QTMAN: variants seen among roughly 807,000 people sequenced by gnomAD.
QTMAN encodes queuosine-tRNA mannosyltransferase, also known as tRNA-queuosine alpha-mannosyltransferase.
At chr2:144,187,675 T>C in the QTMAN span, among the ~76,000 whole-genome samples, 1 of 151,994 alleles carries the variant, frequency 6.6e-6, no homozygotes, top group African/African-American at 2.4e-5. Flanking sequence ...CCAGACAGAG[T>C]CCTTTATTTA....
the QTMAN span, among the ~76,000 whole-genome samples, chr2:144,295,631 G>C: frequency 6.6e-6 from 1 of 152,062 alleles, no homozygotes; most frequent in Non-Finnish European, 1.5e-5. Flanking sequence ...TTTGTATTTT[G>C]AGACAGGGTC....
At chr2:144,212,455 T>G in the QTMAN span, among the ~76,000 whole-genome samples, 1 of 151,628 alleles carries the variant, frequency 6.6e-6, no homozygotes, top group African/African-American at 2.4e-5. Context: ...AGAGCAAAAC[T>G]CCATCTCAAA....
the QTMAN span, among the ~76,000 whole-genome samples, chr2:144,169,695 T>C: frequency 2.6e-5 from 4 of 152,150 alleles, no homozygotes; most frequent in Admixed American, 6.6e-5. Flanking sequence ...ATATTGTGTA[T>C]GTACATTTTA....
chr2:143,951,909 T>TG, the QTMAN span: 1 of 758,736 alleles, frequency 1.3e-6, no homozygotes, highest in Non-Finnish European at 2.3e-6. Context: ...GTTAATTAAA[T>TG]GTTTTTTTTT....
chr2:144,027,051 C>T, the QTMAN span, among the ~76,000 whole-genome samples: 1 of 152,316 alleles, frequency 6.6e-6, no homozygotes, highest in South Asian at 2.1e-4. Flanking sequence ...CAGTTTCTTA[C>T]TTGGGCTAGA....
chr2:143,954,243 C>A, the QTMAN span, among the ~76,000 whole-genome samples: 1 of 151,964 alleles, frequency 6.6e-6, no homozygotes, highest in African/African-American at 2.4e-5. Context: ...AGAAAATATG[C>A]ACTTTATCTA....
the QTMAN span, among the ~76,000 whole-genome samples, chr2:144,283,268 T>C: frequency 1.3e-5 from 2 of 152,294 alleles, no homozygotes; most frequent in Non-Finnish European, 2.9e-5. Context: ...ACCTGCAGGA[T>C]CTGTCACTAT....
At chr2:144,215,666 A>G in the QTMAN span, among the ~76,000 whole-genome samples, 1 of 152,232 alleles carries the variant, frequency 6.6e-6, no homozygotes, top group Non-Finnish European at 1.5e-5. Flanking sequence ...CTATAAAAGC[A>G]GCAATGAATT....
the QTMAN span, among the ~76,000 whole-genome samples, chr2:144,289,868 T>A: frequency 0.038 from 5,833 of 152,270 alleles, 353 homozygotes; most frequent in African/African-American, 0.13. Context: ...AAAAAATTGT[T>A]CTGTTAAAAA....
At chr2:144,024,350 T>C in the QTMAN span, among the ~76,000 whole-genome samples, 1 of 152,238 alleles carries the variant, frequency 6.6e-6, no homozygotes, top group Admixed American at 6.5e-5. Flanking sequence ...ATACAGTTGC[T>C]GAATGAATGA....
At chr2:144,266,392 C>T in the QTMAN span, among the ~76,000 whole-genome samples, 2 of 152,218 alleles carry the variant, frequency 1.3e-5, no homozygotes, top group Non-Finnish European at 2.9e-5. Context: ...CCCCATCACA[C>T]TTAATGACTA....
the QTMAN span, among the ~76,000 whole-genome samples, chr2:144,032,778 A>C: frequency 6.6e-6 from 1 of 152,258 alleles, no homozygotes; most frequent in South Asian, 2.1e-4. Context: ...TTAAGCTCAA[A>C]GAAGGCAGAT....
the QTMAN span, among the ~76,000 whole-genome samples, chr2:144,213,951 C>A: frequency 1.3e-5 from 2 of 152,110 alleles, no homozygotes; most frequent in African/African-American, 4.8e-5. Flanking sequence ...CAACCAACAA[C>A]CCAGCAGAGT....
the QTMAN span, among the ~76,000 whole-genome samples, chr2:144,003,300 T>G: frequency 2.0e-5 from 3 of 151,886 alleles, no homozygotes; most frequent in Admixed American, 2.0e-4. Flanking sequence ...TTGTTTTTTT[T>G]GGTCCTTCCA....
At chr2:144,126,773 T>G in the QTMAN span, among the ~76,000 whole-genome samples, 3 of 152,032 alleles carry the variant, frequency 2.0e-5, no homozygotes, top group Admixed American at 2.0e-4. Flanking sequence ...GCCACACAAC[T>G]AGACCCCAAA....
the QTMAN span, among the ~76,000 whole-genome samples, chr2:144,060,457 C>T: frequency 1.3e-5 from 2 of 152,148 alleles, no homozygotes; most frequent in Non-Finnish European, 2.9e-5. Flanking sequence ...GACAGGGTTT[C>T]GCCATGTTGG....
chr2:144,101,394 T>TCA, the QTMAN span, among the ~76,000 whole-genome samples: 39,412 of 150,070 alleles, frequency 0.26, 5,701 homozygotes, highest in Middle Eastern at 0.37. Flanking sequence ...TATCTCTCTC[T>TCA]CACACACACA....
chr2:144,249,826 A>T, the QTMAN span, among the ~76,000 whole-genome samples: 1 of 152,240 alleles, frequency 6.6e-6, no homozygotes, highest in African/African-American at 2.4e-5. Context: ...GCATCTTAGA[A>T]ATTTTAAGAT....
chr2:144,090,966 A>G, the QTMAN span, among the ~76,000 whole-genome samples: 1 of 152,116 alleles, frequency 6.6e-6, no homozygotes, highest in Non-Finnish European at 1.5e-5. Flanking sequence ...TAGAATAATC[A>G]TCATCAGTGT....
Sources: gnomAD v4.1 joint callset for allele counts (sites outside exome capture counted in the v4.1 genomes callset) on GRCh38, gnomAD v4.1.1 for gene constraint, MANE v1.5 for transcripts, NCBI Gene and HGNC (gene_info 2026-07-23, HGNC 2026-07-21) for gene names.